The following SLC4A4 variants were observed in gnomAD, a reference collection of about 807,000 sequenced individuals.
SLC4A4 encodes the protein solute carrier family 4 member 4, also known as electrogenic sodium bicarbonate cotransporter 1.
In SLC4A4, 27 loss-of-function variants were observed where a neutral mutation model predicts 111.5. The observed-to-expected ratio is 0.24, with a 90% CI of 0.18 to 0.33. The LOEUF is 0.33. Ranked by LOEUF, SLC4A4 falls within the 10% of genes least tolerant of loss-of-function variation. SLC4A4 has a pLI of 1.00. For missense variants in SLC4A4, 909 were observed against 1,315.5 expected (o/e 0.69, Z 4.78); for synonymous variants, 443 against 463.4 (o/e 0.96, Z 0.57).
intron 6 of SLC4A4, among the ~76,000 whole-genome samples, chr4:71,367,991 G>A (rs4277753): frequency 1 from 151,965 of 152,328 alleles, 75,804 homozygotes; most frequent in Middle Eastern, 1. Context: ...CATATTTGCT[G>A]TTGGTTGGAT....
intron 3 of SLC4A4, among the ~76,000 whole-genome samples, chr4:71,283,859 C>T (rs1256693712): frequency 6.6e-6 from 1 of 152,186 alleles, no homozygotes; most frequent in Non-Finnish European, 1.5e-5. Context: ...GACCCAAGTG[C>T]TTGATGAGCT....
At chr4:71,335,827 A>T (rs1273830015) in intron 3 of SLC4A4, among the ~76,000 whole-genome samples, 1 of 151,918 alleles carries the variant, frequency 6.6e-6, no homozygotes, top group African/African-American at 2.4e-5. Context: ...TCTGTCTCAA[A>T]AAAAAAAAAA....
At chr4:71,531,801 ACAC>A (rs1733948181) in intron 16 of SLC4A4, among the ~76,000 whole-genome samples, 15 of 146,870 alleles carry the variant, frequency 1.0e-4, no homozygotes, top group East Asian at 4.0e-4. Flanking sequence ...ACACACACAC[ACAC>A]AGAAAGAGAG....
At chr4:71,131,486 C>A (rs549623829) in intron 2 of SLC4A4, among the ~76,000 whole-genome samples, 1 of 152,166 alleles carries the variant, frequency 6.6e-6, no homozygotes, top group Non-Finnish European at 1.5e-5. Flanking sequence ...CACCTGCCAA[C>A]ATTTCAAGGT....
intron 20 of SLC4A4, among the ~76,000 whole-genome samples, chr4:71,552,259 A>G (rs1736057729): frequency 6.6e-6 from 1 of 151,880 alleles, no homozygotes; most frequent in Non-Finnish European, 1.5e-5. Flanking sequence ...ATGTTACATA[A>G]GTAGTAGGGC....
intron 2 of SLC4A4, among the ~76,000 whole-genome samples, chr4:71,240,116 A>G (rs1361429688): frequency 6.6e-6 from 1 of 152,156 alleles, no homozygotes; most frequent in Non-Finnish European, 1.5e-5. Flanking sequence ...TACGTAGTGA[A>G]TGAAGATTGA....
At chr4:71,168,013 A>T (rs112258778) in intron 2 of SLC4A4, among the ~76,000 whole-genome samples, 8,194 of 151,730 alleles carry the variant, frequency 0.054, 708 homozygotes, top group African/African-American at 0.19. Context: ...TTGTTTTTTT[A>T]AAATTTTTAT....
At chr4:71,424,987 T>G (rs1298412718) in intron 7 of SLC4A4, among the ~76,000 whole-genome samples, 1 of 151,150 alleles carries the variant, frequency 6.6e-6, no homozygotes, top group Non-Finnish European at 1.5e-5. Flanking sequence ...ACTTAAAGTA[T>G]AATAATAATA....
intron 16 of SLC4A4, among the ~76,000 whole-genome samples, chr4:71,515,732 T>TA (rs1025880807): frequency 6.6e-6 from 1 of 152,212 alleles, no homozygotes; most frequent in African/African-American, 2.4e-5. Context: ...ATGACTTTTT[T>TA]AAAACTGTTC....
chr4:71,513,927 A>G (rs979903301), intron 16 of SLC4A4, among the ~76,000 whole-genome samples: 2 of 152,158 alleles, frequency 1.3e-5, no homozygotes, highest in African/African-American at 4.8e-5. Context: ...ATGTGATGTC[A>G]CATTTATTGA....
chr4:71,210,843 G>C (rs192567304), intron 1 of SLC4A4, among the ~76,000 whole-genome samples: 3 of 152,190 alleles, frequency 2.0e-5, no homozygotes. Flanking sequence ...TCTCTAGCAT[G>C]GACTGATGCA....
At chr4:71,159,045 G>A (rs181910591) in intron 2 of SLC4A4, among the ~76,000 whole-genome samples, 4 of 152,268 alleles carry the variant, frequency 2.6e-5, no homozygotes, top group Non-Finnish European at 5.9e-5. Context: ...AAAGTGAAAA[G>A]GAGAAATTGT....
At chr4:71,147,854 A>G (rs1275780995) in intron 2 of SLC4A4, among the ~76,000 whole-genome samples, 1 of 152,142 alleles carries the variant, frequency 6.6e-6, no homozygotes, top group Non-Finnish European at 1.5e-5. Flanking sequence ...TGCCTGGTAA[A>G]TGTACTAGTC....
chr4:71,064,252 T>A (rs2148927208), intron 1 of SLC4A4, among the ~76,000 whole-genome samples: 1 of 152,310 alleles, frequency 6.6e-6, no homozygotes, highest in Middle Eastern at 3.4e-3. Flanking sequence ...CAATTCTTCA[T>A]CAGGGACAAT....
intron 2 of SLC4A4, among the ~76,000 whole-genome samples, chr4:71,112,738 T>A (rs112668063): frequency 7.9e-4 from 121 of 152,286 alleles, no homozygotes; most frequent in African/African-American, 2.8e-3. Flanking sequence ...GAGTGGGACC[T>A]GGGAATCTCT....
intron 3 of SLC4A4, among the ~76,000 whole-genome samples, chr4:71,280,612 G>A (rs192500001): frequency 9.9e-5 from 15 of 152,226 alleles, no homozygotes; most frequent in Admixed American, 5.2e-4. Context: ...CCAGCCTGTA[G>A]CTTATCTGTA....
intron 2 of SLC4A4, among the ~76,000 whole-genome samples, chr4:71,240,721 G>A (rs1720144980): frequency 6.6e-6 from 1 of 152,182 alleles, no homozygotes; most frequent in Non-Finnish European, 1.5e-5. Flanking sequence ...TATTTGTTAA[G>A]AGAAAGAATG....
chr4:71,088,453 T>C (rs1401372651), intron 1 of SLC4A4, among the ~76,000 whole-genome samples: 1 of 152,050 alleles, frequency 6.6e-6, no homozygotes, highest in Non-Finnish European at 1.5e-5. Flanking sequence ...CATCATGATG[T>C]TAGCTGGTTA....
rs73828769 is a variant in SLC4A4 at position 71,218,944 on chromosome 4, A to T, written c.-1-17632A>T. ...AGAAGGGACTATGCTGTCACTGGGA[A>T]CATCCTTCTTCTTCTTTTCCCTTGT... On this transcript the variant is annotated intron_variant, in intron 1 of 25. Coordinates refer to ENST00000264485, the MANE Select transcript of SLC4A4 (RefSeq NM_001098484.3). Among the ~76,000 whole-genome samples the T allele has an allele frequency of 1.3e-3, 204 of 152,266 alleles. 2 individuals carry two copies. Among genetic ancestry groups the T allele is most frequent in the African/African-American group, 4.8e-3 (200 of 41,558 alleles).
Sources: allele counts gnomAD v4.1 joint callset (sites outside exome capture counted in the v4.1 genomes callset), GRCh38; gene constraint gnomAD v4.1.1; transcripts MANE v1.5; gene names NCBI Gene and HGNC (gene_info 2026-07-23, HGNC 2026-07-21).